The following STPG2 variants were observed in gnomAD, a reference collection of about 807,000 sequenced individuals.
The protein encoded by STPG2 is sperm tail PG-rich repeat containing 2.
Under a neutral mutation model 54.2 loss-of-function variants are expected in STPG2, and 56 were observed. That is an observed-to-expected ratio of 1.03 (90% CI 0.83 to 1.29). STPG2 has a LOEUF of 1.29. Ranked by LOEUF, STPG2 falls within the 50% of genes most tolerant of loss-of-function variation. STPG2 has a pLI of 0.00. For missense variants in STPG2, 596 were observed against 544.9 expected (o/e 1.09, Z -0.93); for synonymous variants, 200 against 181.8 (o/e 1.10, Z -0.81).
intron 8 of STPG2, among the ~76,000 whole-genome samples, chr4:97,862,066 A>G (rs925808017): frequency 6.6e-6 from 1 of 152,154 alleles, no homozygotes; most frequent in Non-Finnish European, 1.5e-5. Context: ...AAATTCACAC[A>G]TAACAATATT....
At chr4:97,839,077 A>G (rs1212915206) in intron 9 of STPG2, among the ~76,000 whole-genome samples, 2 of 151,622 alleles carry the variant, frequency 1.3e-5, no homozygotes, top group African/African-American at 2.4e-5. Flanking sequence ...TGTCTTCCAA[A>G]TGAATACATT....
At chr4:97,840,967 T>C in intron 8 of STPG2, 35 bp from the exon 9 acceptor site, 1 of 1,594,746 alleles carries the variant, frequency 6.3e-7, no homozygotes, top group African/African-American at 1.4e-5. Flanking sequence ...CATAAATATA[T>C]CTTATACTGA....
intron 9 of STPG2, among the ~76,000 whole-genome samples, chr4:97,728,923 G>A (rs994877728): frequency 6.6e-6 from 1 of 151,566 alleles, no homozygotes; most frequent in Non-Finnish European, 1.5e-5. Context: ...GTGAGAGAAA[G>A]AGAGAGAGAG....
At chr4:97,736,173 C>G (rs1227708850) in intron 9 of STPG2, among the ~76,000 whole-genome samples, 2 of 152,186 alleles carry the variant, frequency 1.3e-5, no homozygotes, top group Non-Finnish European at 2.9e-5. Context: ...TATGACCCAG[C>G]AATTCCTATT....
intron 7 of STPG2, among the ~76,000 whole-genome samples, chr4:97,946,498 C>T (rs535131113): frequency 3.1e-4 from 47 of 152,062 alleles, no homozygotes; most frequent in Admixed American, 7.2e-4. Flanking sequence ...GTTTTTCTTA[C>T]GTTATCTTCT....
intron 4 of STPG2, among the ~76,000 whole-genome samples, chr4:97,527,696 T>C (rs1053295414): frequency 6.6e-6 from 1 of 152,202 alleles, no homozygotes; most frequent in Non-Finnish European, 1.5e-5. Flanking sequence ...CCATTCTGAC[T>C]GGTATGAGAT....
chr4:97,511,649 C>T (rs761068476), intron 4 of STPG2, among the ~76,000 whole-genome samples: 3 of 151,990 alleles, frequency 2.0e-5, no homozygotes, highest in Non-Finnish European at 4.4e-5. Flanking sequence ...CATCGTTATG[C>T]ACAATACCTG....
intron 9 of STPG2, among the ~76,000 whole-genome samples, chr4:97,814,102 T>C (rs1287405347): frequency 6.6e-6 from 1 of 152,176 alleles, no homozygotes; most frequent in East Asian, 1.9e-4. Flanking sequence ...GATCTGATAG[T>C]TCCTCCAAAC....
At chr4:97,896,084 C>T (rs968544533) in intron 8 of STPG2, among the ~76,000 whole-genome samples, 2 of 151,738 alleles carry the variant, frequency 1.3e-5, no homozygotes, top group South Asian at 4.1e-4. Flanking sequence ...GGAAGGCTTT[C>T]CTCATGATAG....
chr4:97,840,167 T>C (rs1728753488), intron 9 of STPG2, among the ~76,000 whole-genome samples: 1 of 151,540 alleles, frequency 6.6e-6, no homozygotes, highest in Non-Finnish European at 1.5e-5. Flanking sequence ...TCTTTCTTTA[T>C]ATTTGAAAAA....
intron 9 of STPG2, among the ~76,000 whole-genome samples, chr4:97,749,618 A>G (rs1471067): frequency 0.84 from 127,164 of 151,580 alleles, 53,522 homozygotes; most frequent in Middle Eastern, 0.94. Flanking sequence ...ATCTCAGTTG[A>G]CCCGGAACAA....
intron 10 of STPG2, among the ~76,000 whole-genome samples, chr4:97,710,701 T>G (rs890859449): frequency 6.6e-6 from 1 of 151,924 alleles, no homozygotes; most frequent in Non-Finnish European, 1.5e-5. Context: ...AAAGAACAAG[T>G]TAATAATAAA....
Position 97,445,885 on chromosome 4 carries a change from T to C in STPG2, c.463-258052A>G, listed in dbSNP as rs772652036. Among the ~76,000 whole-genome samples, 62 of 152,336 alleles carry C rather than the reference T, an allele frequency of 4.1e-4. No individual in the cohort carries two copies. In the Middle Eastern group the frequency reaches 0.017, roughly 42 times the overall value. On this transcript the variant is annotated intron_variant, in intron 4 of 4. Coordinates refer to the STPG2 transcript ENST00000522676. ...CCTGAAATACAAAGCCAATTAATGG[T>C]GTGGATACTGAAAAGAAAAGGAATC...
intron 10 of STPG2, among the ~76,000 whole-genome samples, chr4:97,648,050 A>G (rs141880372): frequency 8.8e-4 from 134 of 152,288 alleles, no homozygotes; most frequent in African/African-American, 3.1e-3. Flanking sequence ...GCAGGGTCCT[A>G]AAGTCTCCCC....
intron 10 of STPG2, among the ~76,000 whole-genome samples, chr4:97,610,488 G>A (rs1054815301): frequency 5.3e-5 from 8 of 151,970 alleles, no homozygotes; most frequent in Admixed American, 3.3e-4. Flanking sequence ...CAAATTACTA[G>A]AAAGAAGCCA....
intron 4 of STPG2, among the ~76,000 whole-genome samples, chr4:97,501,344 T>A (rs1200854702): frequency 6.6e-6 from 1 of 151,886 alleles, no homozygotes; most frequent in African/African-American, 2.4e-5. Flanking sequence ...ATGAACTATG[T>A]AAACATATCG....
chr4:98,013,580 C>CTTTTTTT (rs34198207), intron 5 of STPG2, among the ~76,000 whole-genome samples: 6 of 74,606 alleles, frequency 8.0e-5, no homozygotes, highest in African/African-American at 1.0e-4. Flanking sequence ...TGGTCCTGGG[C>CTTTTTTT]TTTTTTTTTT....
At chr4:98,033,834 G>T (rs1337951346) in intron 5 of STPG2, among the ~76,000 whole-genome samples, 1 of 152,038 alleles carries the variant, frequency 6.6e-6, no homozygotes, top group Non-Finnish European at 1.5e-5. Flanking sequence ...CACATAAACA[G>T]AACCAACAAC....
intron 5 of STPG2, among the ~76,000 whole-genome samples, chr4:98,044,598 A>G (rs906172000): frequency 7.2e-5 from 11 of 152,152 alleles, no homozygotes; most frequent in African/African-American, 2.4e-4. Flanking sequence ...CAGCTTTTCC[A>G]TATCAGCTCA....
Sources: gnomAD v4.1 joint callset for allele counts (sites outside exome capture counted in the v4.1 genomes callset) on GRCh38, gnomAD v4.1.1 for gene constraint, MANE v1.5 for transcripts, NCBI Gene and HGNC (gene_info 2026-07-23, HGNC 2026-07-21) for gene names.